The following ZNF232 variants were observed in gnomAD, a reference collection of about 807,000 sequenced individuals.
ZNF232 encodes the protein zinc finger and SCAN domain-containing protein 11.
Under a neutral mutation model 25.2 loss-of-function variants are expected in ZNF232, and 25 were observed. The observed-to-expected ratio is 0.99, with a 90% CI of 0.72 to 1.39. The LOEUF is 1.39. Among genes scored for constraint, ZNF232 ranks in the 40% most tolerant of loss-of-function variants. The probability of loss-of-function intolerance (pLI) is 0.00; values close to 1 mark genes in which losing one functional copy is unlikely to be tolerated. For synonymous variants in ZNF232, 193 were observed against 182.9 expected (o/e 1.06, Z -0.45); for missense variants, 519 against 520.9 (o/e 1.00, Z 0.04).
At chr17:5,115,575 C>CACACACAA (rs1295089798), upstream of ZNF232, among the ~76,000 whole-genome samples, 15 of 149,430 alleles carry the variant, frequency 1.0e-4, no homozygotes, top group African/African-American at 3.7e-4. Context: ...CACACACACA[C>CACACACAA]AAAACCCAAA....
In ZNF232 at chr17:5,110,922, G is replaced by C. The variant is rs149476768; in HGVS notation, c.23+878C>G. ...GCAGGAGGGGAAGGAGGAGAGAAGA[G>C]GGAGGGTATGTGGTGAGGTAAGTGG... On this transcript the variant is annotated intron_variant, in intron 1 of 3. Coordinates refer to ENST00000575898, the Ensembl canonical transcript of ZNF232. 3.9e-3 allele frequency among the ~76,000 whole-genome samples: 588 copies of C among 152,252 alleles called. 4 individuals carry two copies. Among genetic ancestry groups the C allele is most frequent in the African/African-American group, 0.014 (561 of 41,542 alleles).
chr17:5,107,789 C>T (rs1485863330), intron 3 of ZNF232, among the ~76,000 whole-genome samples: 1 of 152,136 alleles, frequency 6.6e-6, no homozygotes, highest in African/African-American at 2.4e-5. Context: ...CCTGCCTTAG[C>T]CTCCCAAAGT....
intron 1 of ZNF232, 41 bp downstream of exon 1, chr17:5,111,759 G>C (rs1244299765): frequency 1.2e-6 from 2 of 1,613,432 alleles, no homozygotes; most frequent in Admixed American, 3.3e-5. Context: ...CAAAAGCCAA[G>C]CCGCCAGGTG....
In ZNF232 at chr17:5,108,986, C is replaced by T. The variant is rs745440021; in HGVS notation, c.565G>A (p.Ala189Thr). 5 of 1,614,194 alleles carry T rather than the reference C, an allele frequency of 3.1e-6. No homozygotes were observed. In the East Asian group the frequency reaches 1.1e-4, roughly 36 times the overall value. The change falls in exon 3 of 4, where the codon GCC (alanine) becomes ACC (threonine). Residue 189 changes from alanine to threonine, a missense_variant. Physicochemically the swap from Ala to Thr is moderately conservative, Grantham distance 58 (BLOSUM62 0). Transcript: ENST00000575898. The stretch of plus-strand genomic sequence containing the variant: ...AGCTGGATGCTCAGTGCTTCCTGGG[C>T]TGCTCCCAGAGATTCCTTCTTCTCC...
chr17:5,109,168 G>T, intron 2 of ZNF232, 116 bp from the exon 3 acceptor site: 1 of 1,466,638 alleles, frequency 6.8e-7, no homozygotes, highest in Non-Finnish European at 9.3e-7. Flanking sequence ...CTTCCAAGGA[G>T]ACTTTAGAGA....
intron 1 of ZNF232, among the ~76,000 whole-genome samples, chr17:5,122,607 C>G (rs888247264): frequency 6.6e-6 from 1 of 152,228 alleles, no homozygotes; most frequent in Non-Finnish European, 1.5e-5. Context: ...CCCGACCCTC[C>G]GCTGCGGGGC....
intron 1 of ZNF232, among the ~76,000 whole-genome samples, chr17:5,120,012 A>G (rs996353776): frequency 3.3e-5 from 5 of 152,086 alleles, no homozygotes; most frequent in African/African-American, 7.2e-5. Flanking sequence ...CCAAGGATAG[A>G]GATCCAAGGT....
upstream of ZNF232, chr17:5,113,451 C>T (rs2072463936): frequency 6.6e-6 from 1 of 152,232 alleles, no homozygotes; most frequent in East Asian, 1.9e-4. Context: ...GCCTGAATTT[C>T]AGTATGTCAA....
intron 1 of ZNF232, chr17:5,121,441 T>C (rs540377078): frequency 8.5e-5 from 26 of 306,688 alleles, no homozygotes; most frequent in Non-Finnish European, 1.4e-4. Context: ...GATAGAGATA[T>C]GGAGCTCTAC....
chr17:5,122,125 C>T (rs1597958049), intron 1 of ZNF232, among the ~76,000 whole-genome samples: 3 of 89,760 alleles, frequency 3.3e-5, no homozygotes, highest in Non-Finnish European at 6.4e-5. Context: ...AGAAGTCCTG[C>T]GGGGTGGAGG....
upstream of ZNF232, among the ~76,000 whole-genome samples, chr17:5,115,577 A>ACACACACACACAC (rs1567761979): frequency 6.3e-5 from 5 of 79,044 alleles, no homozygotes; most frequent in East Asian, 9.8e-4. Flanking sequence ...CACACACACA[A>ACACACACACACAC]AACCCAAAAC....
intron 1 of ZNF232, among the ~76,000 whole-genome samples, chr17:5,110,194 CTCT>C (rs953996542): frequency 3.0e-5 from 4 of 134,464 alleles, no homozygotes; most frequent in African/African-American, 1.1e-4. Flanking sequence ...GCCCGTCCTC[CTCT>C]TCTTTTTTCA....
chr17:5,106,265 T>G (rs2072258910), exon 4 of ZNF232: 1 of 1,614,138 alleles, frequency 6.2e-7, no homozygotes, highest in Admixed American at 1.7e-5. Flanking sequence ...CTTTCTTCCC[T>G]GTGGGAATTT....
At position 5,106,722 on chromosome 17, in the gene ZNF232, G is replaced by A. The variant is rs559588492; in HGVS notation, c.626-216C>T. ...TCTTTTTAATTTCTCCCATTTATCTGCTTTTTTTCCCCTAATTTCTCCATA... is the reference window on the plus strand; with the variant it reads ...TCTTTTTAATTTCTCCCATTTATCTACTTTTTTTCCCCTAATTTCTCCATA... On this transcript the variant is annotated intron_variant, in intron 3 of 3. Coordinates refer to ENST00000575898, the Ensembl canonical transcript of ZNF232. Among the ~76,000 whole-genome samples, 33 of 152,172 alleles carry A rather than the reference G, an allele frequency of 2.2e-4. No homozygotes were observed. In the South Asian group the frequency reaches 4.8e-3, roughly 22 times the overall value.
rs1167723201 is a variant in ZNF232, at chr17:5,111,335, A to G, written c.23+465T>C. On this transcript the variant is annotated intron_variant, in intron 1 of 3. Transcript: ENST00000575898. ...TCCTGAGATTTTATTTTCCTTTCACACAGGGAAGGAGGTGGAACGCATCAG... is the reference window on the plus strand; with the variant it reads ...TCCTGAGATTTTATTTTCCTTTCACGCAGGGAAGGAGGTGGAACGCATCAG... 7.3e-5 allele frequency: 13 copies of G among 179,118 alleles called. No homozygotes were observed. In the East Asian group the frequency reaches 1.9e-3, roughly 26 times the overall value. 11.1% of individuals were successfully genotyped at this position (179,118 alleles called of 1,614,324 possible).
In ZNF232 at chr17:5,122,126, G is replaced by T. The variant is rs543754940; in HGVS notation, c.-530+851C>A. Among the ~76,000 whole-genome samples, 7 of 152,078 alleles carry T rather than the reference G, an allele frequency of 4.6e-5. No individual in the cohort carries two copies. The South Asian group carries it at 1.5e-3, about 32-fold the overall frequency. ...GGGAGTGTGGCCAGAGAAGTCCTGC[G>T]GGGTGGAGGGTGGGTCGGTGGGGTG... On this transcript the variant is annotated intron_variant, in intron 1 of 4. Coordinates refer to the ZNF232 transcript ENST00000250076.
upstream of ZNF232, among the ~76,000 whole-genome samples, chr17:5,115,443 C>T (rs1032744157): frequency 1.1e-4 from 17 of 152,038 alleles, no homozygotes; most frequent in Admixed American, 1.0e-3. Context: ...CCCAGCTACT[C>T]GGGAGGCTGA....
At chr17:5,120,653 G>A in intron 1 of ZNF232, 2 of 390,984 alleles carry the variant, frequency 5.1e-6, no homozygotes, top group Non-Finnish European at 1.0e-5. Flanking sequence ...GAGGTCAGGT[G>A]GATGAGGATG....
At chr17:5,110,093 T>C (rs1365227225) in intron 1 of ZNF232, among the ~76,000 whole-genome samples, 1 of 152,156 alleles carries the variant, frequency 6.6e-6, no homozygotes, top group Non-Finnish European at 1.5e-5. Context: ...GGTTTTGCCA[T>C]ATTGGCCAGG....
Sources: allele counts gnomAD v4.1 joint callset (sites outside exome capture counted in the v4.1 genomes callset), GRCh38; gene constraint gnomAD v4.1.1; transcripts MANE v1.5; gene names NCBI Gene and HGNC (gene_info 2026-07-23, HGNC 2026-07-21).